Variants in ATAD3B observed in about 807,000 individuals in gnomAD.
ATAD3B encodes ATPase family AAA domain-containing protein 3B.
Under a neutral mutation model 70.2 loss-of-function variants are expected in ATAD3B, and 59 were observed. The ratio of observed to expected loss-of-function variants is 0.84; its 90% CI spans 0.68 to 1.04. The LOEUF (loss-of-function observed/expected upper bound fraction) is 1.04, where lower values mean the gene tolerates loss of function less well. ATAD3B is among the 50% of genes least tolerant of loss of function. The pLI, the probability that ATAD3B is intolerant of heterozygous loss-of-function variation, is 0.00. For synonymous variants in ATAD3B, 423 were observed against 388.6 expected (o/e 1.09, Z -1.04); for missense variants, 961 against 913.4 (o/e 1.05, Z -0.67).
downstream of ATAD3B, among the ~76,000 whole-genome samples, chr1:1,499,266 C>T (rs1048444411): frequency 3.3e-5 from 5 of 150,042 alleles, no homozygotes; most frequent in Admixed American, 6.6e-5. Context: ...CCAGTGCGCC[C>T]GGCCTGGAAT....
the ATAD3B span, among the ~76,000 whole-genome samples, chr1:1,508,721 A>T: frequency 6.6e-6 from 1 of 150,946 alleles, no homozygotes; most frequent in African/African-American, 2.5e-5. Flanking sequence ...CCCTGTGCCC[A>T]GGAGGACAGG....
the ATAD3B span, among the ~76,000 whole-genome samples, chr1:1,506,232 C>T: frequency 2.8e-3 from 419 of 151,050 alleles, 1 homozygote; most frequent in African/African-American, 9.5e-3. Context: ...GAGACTCCCT[C>T]GCAAAAAAAT....
chr1:1,471,811 G>T lies in ATAD3B; in HGVS notation c.-74G>T. ...TGGCCACCGGCTCGCGGCGCGTGGA[G>T]GCTGCTCCCAGCCGCGCCCGAGTCA... On this transcript the variant is annotated 5_prime_UTR_variant, in exon 1 of 16. In the 5' UTR this introduces an upstream ATG that the reference lacks. Transcript: ENST00000673477. The T allele has an allele frequency of 2.4e-6, 3 of 1,230,260 alleles. No homozygotes were observed. Among genetic ancestry groups the T allele is most frequent in the Non-Finnish European group, 3.0e-6 (3 of 984,850 alleles). 76.2% of individuals were successfully genotyped at this position (1,230,260 alleles called of 1,614,324 possible). A position where few individuals can be genotyped will look rare whatever the true frequency, so the allele number is the denominator to read the frequency against.
intron 7 of ATAD3B, 144 bp downstream of exon 7, chr1:1,482,758 G>A (rs1639988880): frequency 2.9e-6 from 4 of 1,357,526 alleles, no homozygotes; most frequent in South Asian, 1.3e-5. Context: ...GTACCTGCTG[G>A]GCTCGGCTGC....
chr1:1,496,905 C>CA lies in ATAD3B; in HGVS notation c.*1089dup, dbSNP rs1640814382. ...CAGGTCCTCGCTGCTGGAGGACTCT[C>CA]AGACAGGAAACCTTTGCTTTGGGGG... On this transcript the variant is annotated 3_prime_UTR_variant, in exon 16 of 16. Coordinates refer to ENST00000673477, the MANE Select transcript of ATAD3B (RefSeq NM_031921.6). 6.9e-6 allele frequency: 1 copy of CA among 144,238 alleles called. No homozygotes were observed. Among genetic ancestry groups the CA allele is most frequent in the Non-Finnish European group, 1.5e-5 (1 of 67,724 alleles). 8.9% of individuals were successfully genotyped at this position (144,238 alleles called of 1,614,324 possible). A position where few individuals can be genotyped will look rare whatever the true frequency, so the allele number is the denominator to read the frequency against.
At chr1:1,486,277 G>A (rs1640211417) in intron 10 of ATAD3B, 42 bp downstream of exon 10, 3 of 1,611,406 alleles carry the variant, frequency 1.9e-6, no homozygotes, top group East Asian at 2.2e-5. Flanking sequence ...GGGCCGCTGG[G>A]GTCTCACCTG....
rs1182238564 is a variant in ATAD3B at position 1,496,519 on chromosome 1, T to C, written c.*702T>C. On this transcript the variant is annotated 3_prime_UTR_variant, in exon 16 of 16. Transcript: ENST00000673477. ...GCGCCCAGGTGTAAGAGGGCACGCT[T>C]CTGCCCAGGCATCGTCCATGGAAGA... 6.6e-6 allele frequency: 1 copy of C among 152,040 alleles called. No homozygotes were observed. The highest frequency in any genetic ancestry group is 2.0e-4 in the East Asian group (1 of 5,116). 9.4% of individuals were successfully genotyped at this position (152,040 alleles called of 1,614,324 possible).
chr1:1,475,690 G>A (rs1448710731), intron 1 of ATAD3B, among the ~76,000 whole-genome samples: 4 of 151,878 alleles, frequency 2.6e-5, no homozygotes, highest in Admixed American at 2.6e-4. Context: ...GGTGCCTGGA[G>A]GAGAGCCTCG....
chr1:1,486,101 C>T lies in ATAD3B; in HGVS notation c.964-9C>T. The T allele has an allele frequency of 1.2e-6, 2 of 1,613,012 alleles. No individual in the cohort carries two copies. The highest frequency in any genetic ancestry group is 1.7e-6 in the Non-Finnish European group (2 of 1,179,624). On this transcript the variant is annotated splice_polypyrimidine_tract_variant and intron_variant, in intron 9 of 15. Transcript: ENST00000673477. ...AGTGTCTCCCCCAAACCCCCGTCTT[C>T]CCCGGCAGCCCAGCCTGGAAGCACG...
chr1:1,485,985 G>A lies in ATAD3B; in HGVS notation c.964-125G>A, dbSNP rs1640190513. 21 of 1,588,890 alleles carry A rather than the reference G, an allele frequency of 1.3e-5. No homozygotes were observed. The South Asian group carries it at 2.4e-4, about 18-fold the overall frequency. Reference sequence around the variant, plus strand: ...GCTTGGACTGTGCCGGGGATAGATAGGCTGCCCACGAGCTGGGCGGCTTCC... The same window carrying A: ...GCTTGGACTGTGCCGGGGATAGATAAGCTGCCCACGAGCTGGGCGGCTTCC... On this transcript the variant is annotated intron_variant, in intron 9 of 15. Coordinates refer to ENST00000673477, the MANE Select transcript of ATAD3B (RefSeq NM_031921.6).
At chr1:1,482,931 G>T (rs781619309) in intron 7 of ATAD3B, 1 of 505,740 alleles carries the variant, frequency 2.0e-6, no homozygotes, top group Non-Finnish European at 3.8e-6. Context: ...AGCCCAGGAG[G>T]TTTGGGCTGC....
intron 13 of ATAD3B, chr1:1,489,630 G>C (rs1041971184): frequency 5.3e-6 from 7 of 1,331,180 alleles, no homozygotes; most frequent in Non-Finnish European, 7.0e-6. Context: ...CTATGTCCAG[G>C]CTCCCTCTTC....
At chr1:1,477,159 C>T (rs1437759844) in intron 1 of ATAD3B, 115 bp from the exon 2 acceptor site, 8 of 1,386,378 alleles carry the variant, frequency 5.8e-6, no homozygotes, top group Admixed American at 2.0e-5. Context: ...CAGGCGTGAA[C>T]CACCGCTTCC....
chr1:1,505,127 G>A, the ATAD3B span, among the ~76,000 whole-genome samples: 17 of 152,122 alleles, frequency 1.1e-4, no homozygotes, highest in South Asian at 2.1e-4. Flanking sequence ...GCCAGGCTGC[G>A]CTGTTATTTA....
downstream of ATAD3B, among the ~76,000 whole-genome samples, chr1:1,501,374 C>T (rs1262462754): frequency 6.6e-6 from 1 of 152,114 alleles, no homozygotes; most frequent in African/African-American, 2.4e-5. Flanking sequence ...CCTGCCTCAG[C>T]CTCCTGAGTA....
At chr1:1,482,913 A>C (rs1284027811) in intron 7 of ATAD3B, 1 of 515,104 alleles carries the variant, frequency 1.9e-6, no homozygotes, top group Non-Finnish European at 3.7e-6. Flanking sequence ...AGGTAGGAGG[A>C]TCACTTAAGC....
At chr1:1,505,270 G>GGA in the ATAD3B span, among the ~76,000 whole-genome samples, 12 of 152,208 alleles carry the variant, frequency 7.9e-5, no homozygotes, top group South Asian at 1.9e-3. Flanking sequence ...AGGGAGGGAG[G>GGA]GAGAGAGAGA....
intron 9 of ATAD3B, 75 bp downstream of exon 9, chr1:1,485,913 A>G (rs369541469): frequency 8.3e-5 from 134 of 1,609,170 alleles, no homozygotes; most frequent in Middle Eastern, 2.0e-4. Context: ...GGCCCTTGCT[A>G]GCGCTCGTGG....
At chr1:1,487,040 A>C (rs1439470865) in intron 11 of ATAD3B, among the ~76,000 whole-genome samples, 3 of 151,724 alleles carry the variant, frequency 2.0e-5, no homozygotes, top group Admixed American at 6.6e-5. Flanking sequence ...TTTGAAAGTT[A>C]GCTGAAGACA....
Sources: allele counts gnomAD v4.1 joint callset (sites outside exome capture counted in the v4.1 genomes callset), GRCh38; gene constraint gnomAD v4.1.1; transcripts MANE v1.5; gene names NCBI Gene and HGNC (gene_info 2026-07-23, HGNC 2026-07-21).